The following DCC variants were observed in gnomAD, a reference collection of about 807,000 sequenced individuals.
DCC encodes the protein netrin receptor DCC.
In DCC, 58 loss-of-function variants were observed where a neutral mutation model predicts 172.5. The ratio of observed to expected loss-of-function variants is 0.34; its 90% CI spans 0.27 to 0.42. DCC has a LOEUF of 0.42. DCC is among the 10% of genes least tolerant of loss of function. The pLI is 1.00. For synonymous variants in DCC, 709 were observed against 644.5 expected (o/e 1.10, Z -1.52); for missense variants, 1,740 against 1,791.0 (o/e 0.97, Z 0.51).
chr18:53,339,024 A>G (rs1216093324), intron 14 of DCC, among the ~76,000 whole-genome samples: 3 of 152,204 alleles, frequency 2.0e-5, no homozygotes, highest in Non-Finnish European at 4.4e-5. Flanking sequence ...TTGGAATGCC[A>G]ACTTAATCAG....
At chr18:53,482,563 A>G (rs2045846027) in intron 25 of DCC, among the ~76,000 whole-genome samples, 1 of 152,096 alleles carries the variant, frequency 6.6e-6, no homozygotes. Context: ...AAATCAGAAG[A>G]TACGTATGAA....
intron 12 of DCC, among the ~76,000 whole-genome samples, chr18:53,238,430 T>C (rs929086391): frequency 6.6e-6 from 1 of 152,168 alleles, no homozygotes; most frequent in Non-Finnish European, 1.5e-5. Flanking sequence ...TAAAGTTTTA[T>C]GATATACACA....
At chr18:52,505,502 T>C (rs1338463574) in intron 1 of DCC, among the ~76,000 whole-genome samples, 2 of 152,196 alleles carry the variant, frequency 1.3e-5, no homozygotes, top group Non-Finnish European at 2.9e-5. Context: ...AAATATTGAA[T>C]CTTCGCTAAA....
chr18:53,087,728 G>A (rs1293682982), intron 7 of DCC, among the ~76,000 whole-genome samples: 7 of 152,012 alleles, frequency 4.6e-5, no homozygotes, highest in Non-Finnish European at 8.8e-5. Context: ...GGGTTTTTAT[G>A]GTTTTAGGTC....
At chr18:52,970,142 A>T (rs142390304) in intron 5 of DCC, among the ~76,000 whole-genome samples, 2,173 of 152,286 alleles carry the variant, frequency 0.014, 64 homozygotes, top group African/African-American at 0.05. Flanking sequence ...ATATATTTAC[A>T]TACCTACTTA....
chr18:53,492,163 T>C (rs2045966260), intron 26 of DCC, among the ~76,000 whole-genome samples: 1 of 152,128 alleles, frequency 6.6e-6, no homozygotes, highest in African/African-American at 2.4e-5. Context: ...GGGATTTTTT[T>C]TTATTGTAAA....
intron 1 of DCC, among the ~76,000 whole-genome samples, chr18:52,604,339 T>C (rs1274023028): frequency 6.6e-6 from 1 of 152,172 alleles, no homozygotes; most frequent in Admixed American, 6.6e-5. Context: ...TGATAGCTTC[T>C]ATGTATATCA....
chr18:53,390,266 C>CCTTTTTT (rs34412320), intron 16 of DCC, among the ~76,000 whole-genome samples: 3 of 140,730 alleles, frequency 2.1e-5, no homozygotes, highest in Non-Finnish European at 3.2e-5. Context: ...TCTCTCTCTC[C>CCTTTTTT]TTTTATTTTT....
At chr18:52,832,533 C>G (rs2145298121) in intron 2 of DCC, among the ~76,000 whole-genome samples, 2 of 152,182 alleles carry the variant, frequency 1.3e-5, no homozygotes, top group Middle Eastern at 3.4e-3. Context: ...GTTTAAGAAT[C>G]CCTGCTGTAC....
chr18:53,149,191 T>G (rs767555417), intron 7 of DCC, among the ~76,000 whole-genome samples: 1 of 152,074 alleles, frequency 6.6e-6, no homozygotes, highest in Middle Eastern at 3.4e-3. Flanking sequence ...AGTTCCTACA[T>G]CTCCAGACAG....
chr18:53,255,134 C>T (rs1196856959), intron 12 of DCC, among the ~76,000 whole-genome samples: 3 of 152,028 alleles, frequency 2.0e-5, no homozygotes, highest in African/African-American at 7.2e-5. Context: ...TTCTAGCTTC[C>T]TGGGTATTCC....
chr18:52,849,413 T>C (rs1382264232), intron 2 of DCC, among the ~76,000 whole-genome samples: 1 of 152,210 alleles, frequency 6.6e-6, no homozygotes, highest in African/African-American at 2.4e-5. Context: ...TGATCAGTTT[T>C]GTTTCTCCTT....
chr18:52,475,876 C>T (rs1285556599), intron 1 of DCC, among the ~76,000 whole-genome samples: 1 of 152,194 alleles, frequency 6.6e-6, no homozygotes, highest in African/African-American at 2.4e-5. Context: ...AGGATTTCAA[C>T]CTCCATCTGC....
intron 28 of DCC, 88 bp downstream of exon 28, chr18:53,526,847 T>C (rs2046461762): frequency 2.7e-6 from 3 of 1,125,150 alleles, no homozygotes; most frequent in Non-Finnish European, 3.6e-6. Context: ...GTACTGTCCA[T>C]TCACCCCAGG....
At chr18:52,704,969 A>T (rs915580741) in intron 1 of DCC, among the ~76,000 whole-genome samples, 1 of 152,126 alleles carries the variant, frequency 6.6e-6, no homozygotes, top group African/African-American at 2.4e-5. Flanking sequence ...CCCTTCATGC[A>T]TCTTAATATG....
intron 10 of DCC, among the ~76,000 whole-genome samples, chr18:53,207,094 A>G (rs530803801): frequency 6.6e-6 from 1 of 152,170 alleles, no homozygotes; most frequent in African/African-American, 2.4e-5. Flanking sequence ...CAATTTAAAT[A>G]AATTCAAAAC....
intron 12 of DCC, among the ~76,000 whole-genome samples, chr18:53,238,475 G>T (rs1033453303): frequency 2.0e-5 from 3 of 152,016 alleles, no homozygotes; most frequent in African/African-American, 7.2e-5. Flanking sequence ...TTAAGATGAA[G>T]AAACAAAGAA....
intron 2 of DCC, among the ~76,000 whole-genome samples, chr18:52,884,582 A>T (rs2039542292): frequency 6.6e-6 from 1 of 152,064 alleles, no homozygotes; most frequent in Non-Finnish European, 1.5e-5. Context: ...TTTCTGATAG[A>T]ATTCTGAATT....
At chr18:52,692,188 T>C (rs1202458923) in intron 1 of DCC, among the ~76,000 whole-genome samples, 1 of 152,168 alleles carries the variant, frequency 6.6e-6, no homozygotes, top group African/African-American at 2.4e-5. Flanking sequence ...CTAAAAACAG[T>C]AATGATATTC....
Sources: gnomAD v4.1 joint callset for allele counts (sites outside exome capture counted in the v4.1 genomes callset) on GRCh38, gnomAD v4.1.1 for gene constraint, MANE v1.5 for transcripts, NCBI Gene and HGNC (gene_info 2026-07-23, HGNC 2026-07-21) for gene names.